The following ACBD6 variants were observed in gnomAD, a reference collection of about 807,000 sequenced individuals.
ACBD6 encodes acyl-CoA-binding domain-containing protein 6.
ACBD6 carries 28 observed loss-of-function variants against 37.2 expected under a neutral mutation model. The observed-to-expected ratio is 0.75, with a 90% CI of 0.56 to 1.03. The LOEUF is 1.03. Among genes scored for constraint, ACBD6 ranks in the 50% least tolerant of loss-of-function variants. The pLI is 0.00. For synonymous variants in ACBD6, 113 were observed against 126.8 expected (o/e 0.89, Z 0.73); for missense variants, 340 against 337.4 (o/e 1.01, Z -0.06).
chr1:180,430,814 C>G (rs1654064434), intron 3 of ACBD6, among the ~76,000 whole-genome samples: 1 of 151,848 alleles, frequency 6.6e-6, no homozygotes, highest in Non-Finnish European at 1.5e-5. Context: ...TTTCCAAACT[C>G]AAGGATTCAA....
intron 3 of ACBD6, among the ~76,000 whole-genome samples, chr1:180,480,543 A>G (rs759675864): frequency 5.3e-5 from 8 of 152,194 alleles, no homozygotes; most frequent in South Asian, 4.1e-4. Context: ...TAGACAGTTG[A>G]TAAGTTCTAT....
At chr1:180,469,256 C>T (rs1221968020) in intron 3 of ACBD6, among the ~76,000 whole-genome samples, 1 of 152,126 alleles carries the variant, frequency 6.6e-6, no homozygotes, top group South Asian at 2.1e-4. Flanking sequence ...TCCCCCTTTT[C>T]ATCTTTGCCA....
chr1:180,428,323 G>A (rs776981506), intron 4 of ACBD6, among the ~76,000 whole-genome samples: 4 of 151,484 alleles, frequency 2.6e-5, no homozygotes, highest in Non-Finnish European at 5.9e-5. Flanking sequence ...TTATTCAAAA[G>A]TGAAGAAGTT....
chr1:180,275,168 A>AGAT (rs1215978921), exon 10 of ACBD6: 1 of 152,264 alleles, frequency 6.6e-6, no homozygotes, highest in Non-Finnish European at 1.5e-5. Flanking sequence ...TTTGCTGTGA[A>AGAT]GATATGAATT....
chr1:180,476,128 A>G (rs1264510833), intron 3 of ACBD6, among the ~76,000 whole-genome samples: 1 of 152,224 alleles, frequency 6.6e-6, no homozygotes, highest in African/African-American at 2.4e-5. Flanking sequence ...TCCCACCAAT[A>G]CCAATGAAAA....
intron 3 of ACBD6, among the ~76,000 whole-genome samples, chr1:180,486,877 G>C (rs1651286522): frequency 6.6e-6 from 1 of 152,158 alleles, no homozygotes; most frequent in Non-Finnish European, 1.5e-5. Flanking sequence ...CTGATGCATT[G>C]AGGAGGACAA....
Position 180,296,463 on chromosome 1 carries a change from T to C in ACBD6, c.695-7946A>G, listed in dbSNP as rs1217373934. 2.0e-5 allele frequency among the ~76,000 whole-genome samples: 3 copies of C among 152,166 alleles called. No individual in the cohort carries two copies. The East Asian group carries it at 5.8e-4, about 29-fold the overall frequency. On this transcript the variant is annotated intron_variant, in intron 7 of 7. Transcript: ENST00000367595. ...TCTTTTCTATTAGACAGAGTTTCAC[T>C]CTGTCGCCCAGGTTGGAGTGCAGTG...
chr1:180,433,841 G>C (rs1266620107), intron 3 of ACBD6, among the ~76,000 whole-genome samples: 1 of 151,870 alleles, frequency 6.6e-6, no homozygotes, highest in Non-Finnish European at 1.5e-5. Context: ...TCACAATCCC[G>C]AGAGAGAGTC....
chr1:180,318,169 C>G lies in ACBD6; in HGVS notation c.664-3447G>C, dbSNP rs375229732. On this transcript the variant is annotated intron_variant, in intron 6 of 7. Transcript: ENST00000367595. ...AGAGTAAGATTCCATCTCCGCCCCCCCCCCCCAAAAAAAAAAGAAAGAAAG... is the reference window on the plus strand; with the variant it reads ...AGAGTAAGATTCCATCTCCGCCCCCGCCCCCCAAAAAAAAAAGAAAGAAAG... Among the ~76,000 whole-genome samples, 684 of 103,938 alleles carry G rather than the reference C, an allele frequency of 6.6e-3. 22 individuals are homozygous for G. The highest frequency in any genetic ancestry group is 0.023 in the African/African-American group (647 of 27,790). 68.2% of individuals were successfully genotyped at this position (103,938 alleles called of 152,430 possible).
chr1:180,382,453 A>G (rs1009750506), intron 6 of ACBD6, among the ~76,000 whole-genome samples: 1 of 152,170 alleles, frequency 6.6e-6, no homozygotes, highest in African/African-American at 2.4e-5. Flanking sequence ...TAGAAAACCT[A>G]GAGAAAATGG....
At chr1:180,434,796 G>A (rs1011160502) in intron 3 of ACBD6, 47 of 694,624 alleles carry the variant, frequency 6.8e-5, no homozygotes, top group South Asian at 1.5e-5. Context: ...CCTCTAAGCC[G>A]AAGGTGGCTG....
chr1:180,286,557 A>G (rs1008568145), downstream of ACBD6, among the ~76,000 whole-genome samples: 4 of 152,256 alleles, frequency 2.6e-5, no homozygotes, highest in African/African-American at 9.6e-5. Flanking sequence ...TATGTTTCTT[A>G]AAACACATTC....
chr1:180,490,004 C>G (rs945075673), intron 3 of ACBD6, among the ~76,000 whole-genome samples: 1 of 152,128 alleles, frequency 6.6e-6, no homozygotes, highest in Non-Finnish European at 1.5e-5. Flanking sequence ...TACTAAAGTA[C>G]TGAAGGTAAG....
intron 6 of ACBD6, among the ~76,000 whole-genome samples, chr1:180,343,523 C>A (rs1652058056): frequency 6.6e-6 from 1 of 152,144 alleles, no homozygotes; most frequent in Admixed American, 6.5e-5. Flanking sequence ...TCACCCAATA[C>A]TTTGAGACTG....
intron 5 of ACBD6, among the ~76,000 whole-genome samples, chr1:180,411,637 A>G (rs1647859972): frequency 6.6e-6 from 1 of 152,232 alleles, no homozygotes; most frequent in South Asian, 2.1e-4. Context: ...TACACTTAAT[A>G]AACTACAGTA....
intron 3 of ACBD6, chr1:180,438,215 C>T (rs1315114842): frequency 1.3e-5 from 2 of 152,898 alleles, no homozygotes; most frequent in Admixed American, 6.5e-5. Flanking sequence ...CCATCCCCCT[C>T]CAACACTGGC....
intron 9 of ACBD6, chr1:180,277,506 G>A (rs1365662835): frequency 1.3e-5 from 2 of 152,186 alleles, no homozygotes; most frequent in African/African-American, 4.8e-5. Flanking sequence ...AAAACCCCAA[G>A]TTCCAGTGGT....
At chr1:180,422,211 CTTTTTTT>C (rs112259081) in intron 4 of ACBD6, among the ~76,000 whole-genome samples, 4 of 144,690 alleles carry the variant, frequency 2.8e-5, no homozygotes, top group Non-Finnish European at 1.5e-5. Context: ...TTTCTTTTTT[CTTTTTTT>C]TTTTTGAGAT....
At chr1:180,467,256 CT>C (rs1264539536) in intron 3 of ACBD6, among the ~76,000 whole-genome samples, 2 of 151,642 alleles carry the variant, frequency 1.3e-5, no homozygotes, top group Admixed American at 6.6e-5. Context: ...GTAGCAAATT[CT>C]TTTTCCATCG....
Sources: gnomAD v4.1 joint callset for allele counts (sites outside exome capture counted in the v4.1 genomes callset) on GRCh38, gnomAD v4.1.1 for gene constraint, MANE v1.5 for transcripts, NCBI Gene and HGNC (gene_info 2026-07-23, HGNC 2026-07-21) for gene names.